CFAP20DC: variants seen among roughly 807,000 people sequenced by gnomAD.
CFAP20DC encodes CFAP20 domain containing.
CFAP20DC carries 84 observed loss-of-function variants against 101.7 expected under a neutral mutation model. The ratio of observed to expected loss-of-function variants is 0.83; its 90% confidence interval spans 0.69 to 0.99. CFAP20DC has a LOEUF of 0.99. Among genes scored for constraint, CFAP20DC ranks in the 50% least tolerant of loss-of-function variants. CFAP20DC has a pLI of 0.00. For missense variants in CFAP20DC, 1,007 were observed against 970.3 expected (o/e 1.04, Z -0.50); for synonymous variants, 359 against 351.2 (o/e 1.02, Z -0.25).
At chr3:58,867,464 T>C (rs1048955388) in intron 10 of CFAP20DC, among the ~76,000 whole-genome samples, 2 of 152,072 alleles carry the variant, frequency 1.3e-5, no homozygotes, top group Non-Finnish European at 2.9e-5. Context: ...AAGACACAAA[T>C]GAAACATAAA....
chr3:58,877,789 T>G (rs183851240), intron 7 of CFAP20DC, among the ~76,000 whole-genome samples: 125 of 152,342 alleles, frequency 8.2e-4, no homozygotes, highest in Admixed American at 8.0e-3. Context: ...CCTGAAAAAC[T>G]GGGTTTATTA....
chr3:58,890,689 G>A (rs929179325), intron 6 of CFAP20DC, among the ~76,000 whole-genome samples: 9 of 147,794 alleles, frequency 6.1e-5, no homozygotes, highest in African/African-American at 2.0e-4. Flanking sequence ...CCAGGCAGAG[G>A]GTCTCCTCAC....
chr3:58,942,279 C>T (rs921463931), intron 4 of CFAP20DC, among the ~76,000 whole-genome samples: 1 of 152,138 alleles, frequency 6.6e-6, no homozygotes, highest in African/African-American at 2.4e-5. Context: ...ATGATATGTG[C>T]CAGCAGATGG....
At chr3:58,980,531 G>T (rs2092486627) in intron 4 of CFAP20DC, among the ~76,000 whole-genome samples, 1 of 152,066 alleles carries the variant, frequency 6.6e-6, no homozygotes, top group Non-Finnish European at 1.5e-5. Context: ...TTCATCCCTG[G>T]GATGCAAGGC....
chr3:58,937,682 G>C lies in CFAP20DC; in HGVS notation c.359C>G (p.Ala120Gly). 6.2e-7 allele frequency: 1 copy of C among 1,611,286 alleles called. No homozygotes were observed. Residue 120 changes from alanine to glycine, a missense_variant, in exon 5 of 17, where the codon GCA becomes GGA. Coordinates refer to ENST00000482387, the MANE Select transcript of CFAP20DC (RefSeq NM_001394063.1). ...TTTGATCATGAAGAGTGGAATTTTTGCATGAAGAGGGGTGGAGGATAGTTC... is the reference window on the plus strand; with the variant it reads ...TTTGATCATGAAGAGTGGAATTTTTCCATGAAGAGGGGTGGAGGATAGTTC... ...HKELSSTPLHAKIPLFMIKRK... is the reference protein window; with the variant it reads ...HKELSSTPLHGKIPLFMIKRK...
At chr3:58,923,956 T>C (rs1251237352) in intron 5 of CFAP20DC, among the ~76,000 whole-genome samples, 1 of 152,200 alleles carries the variant, frequency 6.6e-6, no homozygotes, top group Non-Finnish European at 1.5e-5. Context: ...TGCTTTAGTT[T>C]GCATAGTTTC....
intron 14 of CFAP20DC, among the ~76,000 whole-genome samples, chr3:58,816,624 T>C (rs1353046427): frequency 7.0e-6 from 1 of 142,530 alleles, no homozygotes; most frequent in Non-Finnish European, 1.5e-5. Flanking sequence ...ATCCCACACC[T>C]GGCTCGAGGG....
intron 13 of CFAP20DC, among the ~76,000 whole-genome samples, chr3:58,835,789 A>T (rs1253484052): frequency 1.3e-5 from 2 of 152,208 alleles, no homozygotes; most frequent in Admixed American, 1.3e-4. Flanking sequence ...GAAAGGCTAA[A>T]TCATTTATTT....
At chr3:58,983,119 A>T (rs2092631279) in intron 4 of CFAP20DC, among the ~76,000 whole-genome samples, 1 of 152,212 alleles carries the variant, frequency 6.6e-6, no homozygotes, top group African/African-American at 2.4e-5. Flanking sequence ...GGTACTTGAG[A>T]CAGCTCAAAA....
chr3:58,990,703 G>A (rs1039782850), intron 4 of CFAP20DC, among the ~76,000 whole-genome samples: 2 of 151,638 alleles, frequency 1.3e-5, no homozygotes, highest in Admixed American at 6.6e-5. Context: ...CAAAGGAAAT[G>A]CTCACTGGAG....
At chr3:58,827,545 C>T (rs929030481) in intron 14 of CFAP20DC, among the ~76,000 whole-genome samples, 2 of 152,162 alleles carry the variant, frequency 1.3e-5, no homozygotes, top group Non-Finnish European at 2.9e-5. Flanking sequence ...TCCCCTCCAC[C>T]ACAGACTTAA....
intron 4 of CFAP20DC, among the ~76,000 whole-genome samples, chr3:58,950,249 C>G (rs1262390870): frequency 1.8e-4 from 27 of 152,016 alleles, no homozygotes; most frequent in Non-Finnish European, 3.5e-4. Flanking sequence ...CACTGCTCAA[C>G]AAAATAAAAG....
At chr3:59,031,942 C>T (rs548459177) in intron 4 of CFAP20DC, among the ~76,000 whole-genome samples, 2 of 152,262 alleles carry the variant, frequency 1.3e-5, no homozygotes, top group Admixed American at 1.3e-4. Context: ...GTCTGCAGCT[C>T]CCAGTGAGAT....
At chr3:58,842,350 T>G (rs956784807) in intron 13 of CFAP20DC, among the ~76,000 whole-genome samples, 1 of 152,256 alleles carries the variant, frequency 6.6e-6, no homozygotes, top group East Asian at 1.9e-4. Flanking sequence ...TTGCCTCACC[T>G]GGGAAGCGCA....
chr3:58,935,582 A>T (rs1239412972), intron 5 of CFAP20DC, among the ~76,000 whole-genome samples: 1 of 152,164 alleles, frequency 6.6e-6, no homozygotes. Context: ...AGAGATATAG[A>T]TCAATGGAAT....
chr3:59,005,303 A>G (rs2093408571), intron 4 of CFAP20DC, among the ~76,000 whole-genome samples: 1 of 152,176 alleles, frequency 6.6e-6, no homozygotes, highest in Admixed American at 6.5e-5. Flanking sequence ...AGCCACATGC[A>G]CAGTTCAAGC....
At chr3:58,965,682 A>T (rs2091472761) in intron 4 of CFAP20DC, among the ~76,000 whole-genome samples, 1 of 152,228 alleles carries the variant, frequency 6.6e-6, no homozygotes, top group South Asian at 2.1e-4. Flanking sequence ...TAAATGCTCA[A>T]ATGTTATCTG....
rs2091403547 is a variant in CFAP20DC at position 58,964,639 on chromosome 3, C to T, written c.279-26877G>A. Among the ~76,000 whole-genome samples the T allele has an allele frequency of 6.6e-6, 1 of 152,198 alleles. No homozygotes were observed. The highest frequency in any genetic ancestry group is 2.4e-5 in the African/African-American group (1 of 41,452). ...GTGATTTTTAAGTTAACACCTACCA[C>T]TTACTAATAATAATTTGAACTACTT... On this transcript the variant is annotated intron_variant, in intron 4 of 16. Transcript: ENST00000482387. The surrounding 1 kb of genome is among the most constrained non-coding windows in gnomAD (Gnocchi z 4.1).
chr3:58,947,165 CT>C lies in CFAP20DC; in HGVS notation c.279-9404del, dbSNP rs752093624. On this transcript the variant is annotated intron_variant, in intron 4 of 16. Coordinates refer to ENST00000482387, the MANE Select transcript of CFAP20DC (RefSeq NM_001394063.1). ...GTTTTTAAAAGGTTGCATGCTTCCTCTGGGAAGGAAAGAGAGCAGCAGGCCT... is the reference window on the plus strand; with the variant it reads ...GTTTTTAAAAGGTTGCATGCTTCCTCGGGAAGGAAAGAGAGCAGCAGGCCT... 2.0e-4 allele frequency among the ~76,000 whole-genome samples: 30 copies of C among 152,266 alleles called. No individual in the cohort carries two copies. In the Middle Eastern group the frequency reaches 0.014, roughly 69 times the overall value.
Sources: gnomAD v4.1 joint callset for allele counts (sites outside exome capture counted in the v4.1 genomes callset) on GRCh38, gnomAD v4.1.1 for gene constraint, Gnocchi (gnomAD v3.1) non-coding constraint, MANE v1.5 for transcripts, NCBI Gene and HGNC (gene_info 2026-07-23, HGNC 2026-07-21) for gene names.